TRERF1: variants seen among roughly 807,000 people sequenced by gnomAD.
TRERF1 encodes transcriptional-regulating factor 1.
Under a neutral mutation model 122.9 loss-of-function variants are expected in TRERF1, and 27 were observed. The ratio of observed to expected loss-of-function variants is 0.22; its 90% CI spans 0.16 to 0.30. TRERF1 has a LOEUF of 0.30. TRERF1 is among the 10% of genes least tolerant of loss of function. The pLI, the probability that TRERF1 is intolerant of heterozygous loss-of-function variation, is 1.00. For missense variants in TRERF1, 1,248 were observed against 1,560.3 expected, an observed-to-expected ratio of 0.80 and a Z score of 3.37; for synonymous variants, 636 against 641.7, an observed-to-expected ratio of 0.99 and a Z score of 0.13.
rs189123921 is a variant in TRERF1 at position 42,281,427 on chromosome 6, T to C, written c.-258-11579A>G. On this transcript the variant is annotated intron_variant, in intron 4 of 17. Transcript: ENST00000372922. ...AAACAATACTAGATATCCAGTTCCA[T>C]AGAAACAGAATTGTGTTTAATAGCT... Among the ~76,000 whole-genome samples the C allele has an allele frequency of 3.3e-5, 5 of 152,264 alleles. No individual in the cohort carries two copies. In the East Asian group the frequency reaches 9.6e-4, roughly 29 times the overall value.
chr6:42,367,377 AC>A (rs1449410023), intron 2 of TRERF1, among the ~76,000 whole-genome samples: 1 of 152,150 alleles, frequency 6.6e-6, no homozygotes, highest in Admixed American at 6.5e-5. Context: ...GAAGCACCGG[AC>A]CTCGGTGAAT....
exon 15 of TRERF1, chr6:42,243,280 T>C (rs754771718): frequency 1.2e-6 from 2 of 1,614,132 alleles, no homozygotes; most frequent in Non-Finnish European, 1.7e-6. Context: ...GCCAGGCGTG[T>C]CCGGTGTTTC....
chr6:42,317,560 G>C (rs1055960009), intron 3 of TRERF1, among the ~76,000 whole-genome samples: 5 of 151,942 alleles, frequency 3.3e-5, no homozygotes, highest in African/African-American at 1.2e-4. Flanking sequence ...TCATTTTGTT[G>C]CCCAGGCTGC....
At chr6:42,334,489 G>T (rs975727426) in intron 3 of TRERF1, among the ~76,000 whole-genome samples, 1 of 152,190 alleles carries the variant, frequency 6.6e-6, no homozygotes, top group Non-Finnish European at 1.5e-5. Flanking sequence ...AGGGCAAGTC[G>T]TGGTGATATT....
chr6:42,438,469 G>T (rs1476117084), intron 2 of TRERF1, among the ~76,000 whole-genome samples: 1 of 151,576 alleles, frequency 6.6e-6, no homozygotes, highest in Non-Finnish European at 1.5e-5. Context: ...AATTAGCCAG[G>T]TGTGGTGGTA....
At chr6:42,229,733 A>G (rs1363011713) in intron 17 of TRERF1, among the ~76,000 whole-genome samples, 1 of 152,218 alleles carries the variant, frequency 6.6e-6, no homozygotes, top group Non-Finnish European at 1.5e-5. Flanking sequence ...CAAGCAAGGA[A>G]TTGGCAGACT....
At chr6:42,327,873 T>C (rs1022392875) in intron 3 of TRERF1, among the ~76,000 whole-genome samples, 5 of 152,006 alleles carry the variant, frequency 3.3e-5, no homozygotes, top group African/African-American at 1.2e-4. Context: ...GGGTGAGGGC[T>C]TGGAGATGGA....
chr6:42,284,419 T>C (rs920978458), intron 4 of TRERF1, among the ~76,000 whole-genome samples: 2 of 152,212 alleles, frequency 1.3e-5, no homozygotes, highest in Non-Finnish European at 2.9e-5. Context: ...AATTCTCTTT[T>C]GGTGGCTTGC....
intron 3 of TRERF1, among the ~76,000 whole-genome samples, chr6:42,334,776 G>A (rs1304085947): frequency 1.3e-5 from 2 of 152,258 alleles, no homozygotes; most frequent in Non-Finnish European, 2.9e-5. Flanking sequence ...ACAGGGAAGG[G>A]AAGATGCTCC....
intron 2 of TRERF1, among the ~76,000 whole-genome samples, chr6:42,436,814 A>AAAAAAAAAAAAAATATAT (rs61427173): frequency 1.5e-5 from 1 of 66,694 alleles, no homozygotes; most frequent in Non-Finnish European, 2.7e-5. Flanking sequence ...AAAAAAAAAA[A>AAAAAAAAAAAAAATATAT]ATATATATAT....
intron 4 of TRERF1, among the ~76,000 whole-genome samples, chr6:42,286,990 T>C (rs1436287963): frequency 3.9e-4 from 55 of 142,080 alleles, no homozygotes; most frequent in Non-Finnish European, 7.1e-4. Flanking sequence ...ATGTCCTTTG[T>C]AGGGACATGG....
intron 2 of TRERF1, among the ~76,000 whole-genome samples, chr6:42,431,071 AAAAG>A (rs1784431164): frequency 6.6e-6 from 1 of 151,776 alleles, no homozygotes; most frequent in Non-Finnish European, 1.5e-5. Context: ...AAAAAAAAAA[AAAAG>A]AAAAGAAAAG....
chr6:42,268,022 T>G lies in TRERF1; in HGVS notation c.1437+132A>C. 2 of 1,101,566 alleles carry G rather than the reference T, an allele frequency of 1.8e-6. No homozygotes were observed. Among genetic ancestry groups the G allele is most frequent in the Non-Finnish European group, 2.4e-6 (2 of 828,722 alleles). 68.2% of individuals were successfully genotyped at this position (1,101,566 alleles called of 1,614,324 possible). A position where few individuals can be genotyped will look rare whatever the true frequency, so the allele number is the denominator to read the frequency against. The stretch of plus-strand genomic sequence containing the variant: ...TGGCACAGACAGTGCGTGACACATG[T>G]AGGTTAATGTTTGTGGAATTAGTAA... On this transcript the variant is annotated intron_variant, in intron 5 of 17. Transcript: ENST00000372922. The surrounding 1 kb of genome is among the most constrained non-coding windows in gnomAD (Gnocchi z 4.4).
chr6:42,250,543 G>A (rs764973721), intron 13 of TRERF1, among the ~76,000 whole-genome samples: 12 of 151,992 alleles, frequency 7.9e-5, no homozygotes, highest in East Asian at 5.8e-4. Flanking sequence ...ATACAAAACC[G>A]AGGCAGGGTG....
chr6:42,396,400 G>T (rs1358431376), intron 2 of TRERF1, among the ~76,000 whole-genome samples: 1 of 151,536 alleles, frequency 6.6e-6, no homozygotes, highest in Non-Finnish European at 1.5e-5. Context: ...GTACTTTGAA[G>T]GCAAATAAAA....
Position 42,256,708 on chromosome 6 carries a change from T to G in TRERF1, c.2580+20A>C, listed in dbSNP as rs371951600. 7.6e-5 allele frequency: 122 copies of G among 1,605,662 alleles called. No homozygotes were observed. The highest frequency in any genetic ancestry group is 1.2e-5 in the Non-Finnish European group (14 of 1,172,350). Reference sequence around the variant, plus strand: ...ATACTCTTCAGGAATTTGTAAAGCCTCTTTTTCATGGTTCCTTACCATCAC... The same window carrying G: ...ATACTCTTCAGGAATTTGTAAAGCCGCTTTTTCATGGTTCCTTACCATCAC... On this transcript the variant is annotated intron_variant, in intron 12 of 17. Coordinates refer to ENST00000372922, the Ensembl canonical transcript of TRERF1.
chr6:42,244,028 G>A (rs1439636185), intron 14 of TRERF1, among the ~76,000 whole-genome samples: 3 of 143,754 alleles, frequency 2.1e-5, no homozygotes, highest in Admixed American at 7.0e-5. Flanking sequence ...ACAGGCACCC[G>A]CCACCGCACC....
intron 3 of TRERF1, among the ~76,000 whole-genome samples, chr6:42,348,854 A>G (rs971224943): frequency 2.0e-5 from 3 of 152,164 alleles, no homozygotes; most frequent in Non-Finnish European, 2.9e-5. Flanking sequence ...AGCAGTGGGA[A>G]AGATTAGTTA....
At chr6:42,282,582 A>G (rs1782486140) in intron 4 of TRERF1, among the ~76,000 whole-genome samples, 1 of 152,184 alleles carries the variant, frequency 6.6e-6, no homozygotes, top group African/African-American at 2.4e-5. Context: ...CCAAAACAAA[A>G]CAAAAAATCC....
Sources: gnomAD v4.1 joint callset for allele counts (sites outside exome capture counted in the v4.1 genomes callset) on GRCh38, gnomAD v4.1.1 for gene constraint, Gnocchi (gnomAD v3.1) non-coding constraint, MANE v1.5 for transcripts, NCBI Gene and HGNC (gene_info 2026-07-23, HGNC 2026-07-21) for gene names.